Variants in CHRM3 observed in about 807,000 individuals in gnomAD.
The protein encoded by CHRM3 is cholinergic receptor muscarinic 3.
CHRM3 carries 11 observed loss-of-function variants against 41.8 expected under a neutral mutation model. The ratio of observed to expected loss-of-function variants is 0.26; its 90% CI spans 0.17 to 0.44. The LOEUF is 0.44. CHRM3 is among the 20% of genes least tolerant of loss of function. The probability of loss-of-function intolerance (pLI) is 1.00; values close to 1 mark genes in which losing one functional copy is unlikely to be tolerated. For missense variants in CHRM3, 571 were observed against 745.4 expected (o/e 0.77, Z 2.72); for synonymous variants, 297 against 301.4 (o/e 0.99, Z 0.15).
At chr1:239,627,839 C>T (rs1424071204) in intron 3 of CHRM3, among the ~76,000 whole-genome samples, 1 of 151,214 alleles carries the variant, frequency 6.6e-6, no homozygotes, top group Non-Finnish European at 1.5e-5. Context: ...CCCCCACTCT[C>T]TTCTGGCTTG....
intron 6 of CHRM3, among the ~76,000 whole-genome samples, chr1:239,846,886 G>T (rs879834386): frequency 2.0e-5 from 3 of 152,160 alleles, no homozygotes; most frequent in Non-Finnish European, 1.5e-5. Context: ...TGTAAGATGA[G>T]TACTCTATAT....
intron 5 of CHRM3, among the ~76,000 whole-genome samples, chr1:239,815,408 A>G (rs1411901817): frequency 1.3e-5 from 2 of 152,174 alleles, no homozygotes; most frequent in Admixed American, 1.3e-4. Flanking sequence ...TATTTGTAAA[A>G]TTAAAAGGCT....
chr1:239,636,007 G>A (rs969398234), intron 4 of CHRM3, among the ~76,000 whole-genome samples: 55 of 152,272 alleles, frequency 3.6e-4, no homozygotes, highest in African/African-American at 1.3e-3. Context: ...AAGAACAGAA[G>A]GACAGACAGT....
chr1:239,697,755 TAG>T (rs1189531466), intron 5 of CHRM3, among the ~76,000 whole-genome samples: 3 of 152,148 alleles, frequency 2.0e-5, no homozygotes, highest in African/African-American at 7.2e-5. Flanking sequence ...TTGCTTAGGG[TAG>T]AGTTACAGTG....
rs1274948307 is a variant in CHRM3 at position 239,404,727 on chromosome 1, TA to T, written c.-521+17501del. Among the ~76,000 whole-genome samples, 302 of 124,486 alleles carry T rather than the reference TA, an allele frequency of 2.4e-3. 2 individuals carry two copies. The highest frequency in any genetic ancestry group is 9.4e-3 in the African/African-American group (281 of 29,934). 81.7% of individuals were successfully genotyped at this position (124,486 alleles called of 152,430 possible). On this transcript the variant is annotated intron_variant, in intron 1 of 6. Transcript: ENST00000676153. ...GTATCATGCTATATCTAAATATATA[TA>T]TATATATATATATATATATATATAT...
chr1:239,436,777 A>G (rs975349871), intron 1 of CHRM3, among the ~76,000 whole-genome samples: 1 of 152,054 alleles, frequency 6.6e-6, no homozygotes, highest in Non-Finnish European at 1.5e-5. Flanking sequence ...TATTCATTTT[A>G]GTTGCCATGT....
At chr1:239,680,188 C>CA (rs1438210532) in intron 5 of CHRM3, among the ~76,000 whole-genome samples, 1 of 152,064 alleles carries the variant, frequency 6.6e-6, no homozygotes, top group Non-Finnish European at 1.5e-5. Context: ...GTGCTTCATC[C>CA]AATAGCCAGA....
chr1:239,409,883 G>A (rs1170042283), intron 1 of CHRM3, among the ~76,000 whole-genome samples: 1 of 152,214 alleles, frequency 6.6e-6, no homozygotes, highest in Non-Finnish European at 1.5e-5. Context: ...GGAGGTTGCA[G>A]TGAGCCTAGA....
At chr1:239,561,533 C>G (rs1231279917) in intron 3 of CHRM3, among the ~76,000 whole-genome samples, 1 of 151,942 alleles carries the variant, frequency 6.6e-6, no homozygotes, top group Non-Finnish European at 1.5e-5. Context: ...AAATGAGCAC[C>G]CTCATCGTTC....
intron 2 of CHRM3, among the ~76,000 whole-genome samples, chr1:239,529,946 G>T (rs910046113): frequency 2.6e-5 from 4 of 151,910 alleles, no homozygotes; most frequent in Non-Finnish European, 5.9e-5. Context: ...CGCCCAGGCT[G>T]GAGTGCAGTG....
intron 5 of CHRM3, among the ~76,000 whole-genome samples, chr1:239,712,250 A>C (rs978118984): frequency 2.0e-5 from 3 of 152,120 alleles, no homozygotes; most frequent in Non-Finnish European, 2.9e-5. Context: ...TAACTTTAGG[A>C]GTCTTCTATT....
At chr1:239,780,729 T>TC in intron 5 of CHRM3, among the ~76,000 whole-genome samples, 3 of 152,120 alleles carry the variant, frequency 2.0e-5, no homozygotes, top group African/African-American at 4.8e-5. Flanking sequence ...GTTCTAGAAG[T>TC]TTTATAATTT....
chr1:239,674,360 A>T (rs557144964), intron 4 of CHRM3, among the ~76,000 whole-genome samples: 44 of 152,258 alleles, frequency 2.9e-4, no homozygotes, highest in Non-Finnish European at 5.9e-4. Context: ...TTTGTTCATT[A>T]TACTTGCAGT....
chr1:239,791,981 A>G (rs972861782), intron 5 of CHRM3, among the ~76,000 whole-genome samples: 2 of 152,218 alleles, frequency 1.3e-5, no homozygotes, highest in African/African-American at 4.8e-5. Flanking sequence ...GGTTTAGAAA[A>G]GAAGAAGACA....
chr1:239,461,733 A>T (rs1192003260), intron 1 of CHRM3, among the ~76,000 whole-genome samples: 1 of 151,796 alleles, frequency 6.6e-6, no homozygotes, highest in African/African-American at 2.4e-5. Flanking sequence ...TTCTAATGTC[A>T]TCTTCTATCC....
intron 5 of CHRM3, among the ~76,000 whole-genome samples, chr1:239,744,463 G>A (rs1665165718): frequency 6.6e-6 from 1 of 152,126 alleles, no homozygotes; most frequent in Non-Finnish European, 1.5e-5. Flanking sequence ...GCAACAACCT[G>A]GAGAAGTTGA....
intron 1 of CHRM3, among the ~76,000 whole-genome samples, chr1:239,457,628 C>T (rs1665051120): frequency 6.6e-6 from 1 of 151,970 alleles, no homozygotes; most frequent in African/African-American, 2.4e-5. Context: ...TTTCATATTC[C>T]CCAGGGACAA....
chr1:239,728,429 A>C (rs1663647314), intron 5 of CHRM3, among the ~76,000 whole-genome samples: 1 of 151,974 alleles, frequency 6.6e-6, no homozygotes, highest in African/African-American at 2.4e-5. Context: ...CGTCTAGAAG[A>C]CACCATGTCC....
chr1:239,657,888 T>C (rs1353316061), intron 4 of CHRM3, among the ~76,000 whole-genome samples: 1 of 152,174 alleles, frequency 6.6e-6, no homozygotes, highest in South Asian at 2.1e-4. Context: ...TTCTTCACGA[T>C]TGTTTGGAGA....
Sources: gnomAD v4.1 joint callset for allele counts (sites outside exome capture counted in the v4.1 genomes callset) on GRCh38, gnomAD v4.1.1 for gene constraint, MANE v1.5 for transcripts, NCBI Gene and HGNC (gene_info 2026-07-23, HGNC 2026-07-21) for gene names.